Variants in DUSP16 observed in about 807,000 individuals in gnomAD.
DUSP16 encodes the protein dual specificity protein phosphatase 16.
In DUSP16, 21 loss-of-function variants were observed where a neutral mutation model predicts 58.3. The ratio of observed to expected loss-of-function variants is 0.36; its 90% confidence interval spans 0.26 to 0.52. The LOEUF is 0.52. Ranked by LOEUF, DUSP16 falls within the 20% of genes least tolerant of loss-of-function variation. The pLI is 0.94. For missense variants in DUSP16, 726 were observed against 819.0 expected, an observed-to-expected ratio of 0.89 and a Z score of 1.39; for synonymous variants, 320 against 323.8, an observed-to-expected ratio of 0.99 and a Z score of 0.12.
intron 1 of DUSP16, among the ~76,000 whole-genome samples, chr12:12,542,886 T>C: frequency 6.6e-6 from 1 of 152,000 alleles, no homozygotes; most frequent in Non-Finnish European, 1.5e-5. Flanking sequence ...AGAGGGTAAT[T>C]AGGTCATGAG....
intron 1 of DUSP16, among the ~76,000 whole-genome samples, chr12:12,540,463 T>G (rs1220178060): frequency 6.6e-6 from 1 of 152,252 alleles, no homozygotes; most frequent in Non-Finnish European, 1.5e-5. Context: ...ATTTCCCTTG[T>G]ACAGTGGGTC....
chr12:12,503,946 T>TACA, intron 3 of DUSP16, among the ~76,000 whole-genome samples: 1 of 152,302 alleles, frequency 6.6e-6, no homozygotes, highest in East Asian at 1.9e-4. Flanking sequence ...CTCCTGTACT[T>TACA]ACAAGTACAA....
In DUSP16 at chr12:12,562,233, G is replaced by C. The variant is rs780026276; in HGVS notation, c.-482C>G. The C allele has an allele frequency of 6.6e-6, 1 of 152,146 alleles. No homozygotes were observed. The highest frequency in any genetic ancestry group is 2.4e-5 in the African/African-American group (1 of 41,370). The allele number at this position is 152,146 out of a possible 1,614,324, so 9.4% of individuals were successfully genotyped here. The stretch of plus-strand genomic sequence containing the variant: ...GAGGCGCCGCCGCGGAGCCGAGAGG[G>C]CGGCTGCGCTCCCGCTCGCGTCCCG... On this transcript the variant is annotated 5_prime_UTR_variant, in exon 1 of 7. Coordinates refer to ENST00000298573, the MANE Select transcript of DUSP16 (RefSeq NM_030640.3).
chr12:12,549,309 G>A (rs7968981), intron 1 of DUSP16, among the ~76,000 whole-genome samples: 1 of 151,930 alleles, frequency 6.6e-6, no homozygotes, highest in African/African-American at 2.4e-5. Context: ...TATTTTAACC[G>A]TGTTTTGATG....
At chr12:12,537,919 T>C (rs1944492909) in intron 1 of DUSP16, among the ~76,000 whole-genome samples, 1 of 152,196 alleles carries the variant, frequency 6.6e-6, no homozygotes, top group Non-Finnish European at 1.5e-5. Context: ...TAGTAGAATA[T>C]ATATATATAT....
At chr12:12,551,691 CTTT>C (rs35198357) in intron 1 of DUSP16, among the ~76,000 whole-genome samples, 20 of 140,126 alleles carry the variant, frequency 1.4e-4, no homozygotes, top group African/African-American at 1.6e-4. Flanking sequence ...CTTAGTAAAC[CTTT>C]TTTTTTTTTT....
At chr12:12,557,311 G>C (rs900692187) in intron 1 of DUSP16, among the ~76,000 whole-genome samples, 1 of 152,026 alleles carries the variant, frequency 6.6e-6, no homozygotes, top group African/African-American at 2.4e-5. Flanking sequence ...AAAAAAATTA[G>C]CTGGGTGCGG....
chr12:12,516,782 T>G (rs928229916), intron 3 of DUSP16, among the ~76,000 whole-genome samples: 9 of 152,220 alleles, frequency 5.9e-5, no homozygotes, highest in Non-Finnish European at 1.0e-4. Context: ...GACTGATAAA[T>G]CATAGGAAAT....
At chr12:12,501,379 A>C (rs998362060) in intron 3 of DUSP16, among the ~76,000 whole-genome samples, 5 of 152,194 alleles carry the variant, frequency 3.3e-5, no homozygotes. Flanking sequence ...TGAACTCAGA[A>C]TTAGAAGAAT....
chr12:12,500,824 T>C (rs1943897699), intron 3 of DUSP16, 142 bp from the exon 4 acceptor site: 4 of 767,680 alleles, frequency 5.2e-6, no homozygotes, highest in African/African-American at 1.8e-5. Flanking sequence ...CAGCTGCTGA[T>C]GCTAAGACTG....
At chr12:12,520,642 T>C (rs1449862438) in intron 2 of DUSP16, among the ~76,000 whole-genome samples, 5 of 152,188 alleles carry the variant, frequency 3.3e-5, no homozygotes, top group Non-Finnish European at 1.5e-5. Context: ...CAAGAAAATA[T>C]AGCACTTGTC....
rs1943472834 is a variant in DUSP16, at chr12:12,477,500, TG to T, written c.1330del (p.Gln444SerfsTer110). 6.3e-7 allele frequency: 1 copy of T among 1,597,032 alleles called. No individual in the cohort carries two copies. The stretch of plus-strand genomic sequence containing the variant: ...CGATAGTTCCTGAACAGGGGAGAAC[TG>T]GCATAGCTTGTTGGTCCCATCCAGA... ...TTLDGTNKLC[Q>X]FSPVQELSEQ... is the part of the protein sequence containing the mutation. On this transcript the variant is annotated frameshift_variant, in exon 7 of 7. Coordinates refer to ENST00000298573, the MANE Select transcript of DUSP16 (RefSeq NM_030640.3). LOFTEE classifies it high-confidence loss of function. This position sits in a 1 kb window ranked among gnomAD's most constrained non-coding sequence, Gnocchi z 4.1.
chr12:12,519,780 T>C, intron 3 of DUSP16, 82 bp downstream of exon 3: 1 of 1,417,718 alleles, frequency 7.1e-7, no homozygotes. Flanking sequence ...GATGATCTAT[T>C]GTACTGAGTT....
At chr12:12,557,759 CTT>C (rs1375661545) in intron 1 of DUSP16, among the ~76,000 whole-genome samples, 4 of 152,148 alleles carry the variant, frequency 2.6e-5, no homozygotes, top group African/African-American at 4.8e-5. Context: ...TGTTTACTGT[CTT>C]TGTTTATTGT....
intron 1 of DUSP16, among the ~76,000 whole-genome samples, chr12:12,525,065 T>C (rs1368150419): frequency 2.0e-5 from 3 of 152,244 alleles, no homozygotes; most frequent in African/African-American, 7.2e-5. Flanking sequence ...TAAATTAATA[T>C]AGAATGAAGC....
chr12:12,548,426 G>A (rs1944677887), intron 1 of DUSP16, among the ~76,000 whole-genome samples: 1 of 152,002 alleles, frequency 6.6e-6, no homozygotes, highest in African/African-American at 2.4e-5. Flanking sequence ...GAGGTCAGGA[G>A]TTTGAGACAA....
At chr12:12,558,556 T>C (rs1367042862) in intron 1 of DUSP16, among the ~76,000 whole-genome samples, 2 of 152,100 alleles carry the variant, frequency 1.3e-5, no homozygotes, top group Non-Finnish European at 2.9e-5. Context: ...AGCTAATTTT[T>C]TGATTTTCTG....
chr12:12,484,030 TTG>T (rs1313776778), intron 5 of DUSP16, among the ~76,000 whole-genome samples: 2 of 151,830 alleles, frequency 1.3e-5, no homozygotes, highest in African/African-American at 2.4e-5. Context: ...CTTTAAGAAT[TTG>T]TGTTTGAGAA....
At chr12:12,529,452 G>A (rs1303388814) in intron 1 of DUSP16, among the ~76,000 whole-genome samples, 1 of 152,134 alleles carries the variant, frequency 6.6e-6, no homozygotes, top group African/African-American at 2.4e-5. Context: ...TATTTATCAT[G>A]TACAACACGA....
Sources: gnomAD v4.1 joint callset for allele counts (sites outside exome capture counted in the v4.1 genomes callset) on GRCh38, gnomAD v4.1.1 for gene constraint, Gnocchi (gnomAD v3.1) non-coding constraint, MANE v1.5 for transcripts, NCBI Gene and HGNC (gene_info 2026-07-23, HGNC 2026-07-21) for gene names.